GPAT2: variants seen among roughly 807,000 people sequenced by gnomAD.
GPAT2 encodes 1-acylglycerol-3-phosphate O-acyltransferase GPAT2.
GPAT2 carries 51 observed loss-of-function variants against 71.0 expected under a neutral mutation model. That is an observed-to-expected ratio of 0.72 (90% CI 0.57 to 0.91). GPAT2 has a LOEUF of 0.91. GPAT2 is among the 40% of genes least tolerant of loss of function. GPAT2 has a pLI of 0.00. For synonymous variants in GPAT2, 222 were observed against 290.3 expected, an observed-to-expected ratio of 0.76 and a Z score of 2.39; for missense variants, 511 against 666.0, an observed-to-expected ratio of 0.77 and a Z score of 2.56.
rs779152625 is a variant in GPAT2, at chr2:96,022,958, C to G, written c.2233G>C (p.Glu745Gln). The G allele has an allele frequency of 3.1e-6, 5 of 1,613,830 alleles. No individual in the cohort carries two copies. Among genetic ancestry groups the G allele is most frequent in the South Asian group, 1.1e-5 (1 of 91,072 alleles). ...QATAQEEGIF[E>Q]CADPKLAISA... is the part of the protein sequence containing the mutation. ...CCTGGGCTGACTGGTTGGGACTCAC[C>G]GAAGATCCCTTCTTCCTGGGCGGTG... The change falls in exon 20 of 22, where the codon GAG becomes CAG. Residue 745 changes from glutamate (E) to glutamine (Q), a missense_variant and splice_region_variant. Coordinates refer to ENST00000434632, the MANE Select transcript of GPAT2 (RefSeq NM_001321527.2).
intron 12 of GPAT2, 116 bp from the exon 13 acceptor site, chr2:96,025,719 G>A: frequency 6.8e-7 from 1 of 1,461,472 alleles, no homozygotes; most frequent in South Asian, 1.2e-5. Flanking sequence ...CAGGACAGAG[G>A]ATGGCTTCTA....
rs199705437 is a variant in GPAT2 at position 96,023,406 on chromosome 2, C to T, written c.1949G>A (p.Arg650Gln). Residue 650 changes from arginine (R) to glutamine (Q), a missense_variant, in exon 18 of 22, where the codon CGA becomes CAA. Physicochemically the swap from Arg to Gln is conservative, Grantham distance 43. Transcript: ENST00000434632. ...CAGCAGCTTTCTGCTCAATCGCTGTCGCCCTGTGTCACAGGCTGGCCGGGA... is the reference window on the plus strand; with the variant it reads ...CAGCAGCTTTCTGCTCAATCGCTGTTGCCCTGTGTCACAGGCTGGCCGGGA... ...PGSRPACDTGRQRLSRKLLWK... is the reference protein window; with the variant it reads ...PGSRPACDTGQQRLSRKLLWK... 62 of 1,614,008 alleles carry T rather than the reference C, an allele frequency of 3.8e-5. No individual in the cohort carries two copies. Among genetic ancestry groups the T allele is most frequent in the African/African-American group, 2.4e-4 (18 of 74,950 alleles).
intron 17 of GPAT2, 98 bp downstream of exon 17, chr2:96,023,825 G>A (rs71427071): frequency 1.6e-5 from 24 of 1,519,820 alleles, no homozygotes; most frequent in Admixed American, 1.3e-4. Context: ...CAGCACACAC[G>A]GGGCAGAGGA....
chr2:96,023,539 C>G, intron 17 of GPAT2, 99 bp from the exon 18 acceptor site: 2 of 1,303,852 alleles, frequency 1.5e-6, no homozygotes, highest in East Asian at 2.3e-5. Flanking sequence ...AAAAGCAGAC[C>G]TAGAGACCCA....
intron 17 of GPAT2, 130 bp downstream of exon 17, chr2:96,023,793 G>A (rs1185319185): frequency 4.1e-6 from 6 of 1,470,506 alleles, no homozygotes; most frequent in Non-Finnish European, 5.4e-6. Context: ...CCCGCTGCAA[G>A]GCCAGGGGCT....
intron 19 of GPAT2, 29 bp downstream of exon 19, chr2:96,023,077 C>T (rs777622924): frequency 2.7e-5 from 44 of 1,613,954 alleles, no homozygotes; most frequent in Non-Finnish European, 3.4e-5. Context: ...CAGCCTGCCT[C>T]GAGGACTGCA....
chr2:96,024,939 A>C (rs534537545), intron 13 of GPAT2, 96 bp from the exon 14 acceptor site: 2 of 1,351,274 alleles, frequency 1.5e-6, no homozygotes, highest in Non-Finnish European at 1.1e-6. Context: ...ACACATCCCA[A>C]CTCCACCCCA....
chr2:96,025,551 G>A lies in GPAT2; in HGVS notation c.1291C>T (p.Pro431Ser). The change falls in exon 13 of 22, where the codon CCT becomes TCT. Residue 431 changes from proline to serine, a missense_variant. By Grantham distance (74) the Pro-to-Ser change is moderately conservative. Coordinates refer to ENST00000434632, the MANE Select transcript of GPAT2 (RefSeq NM_001321527.2). ...TCCTCTTCCTTGAGGGCCAGGAGAGGCCCAGTTATGGGGGTCCACTCCTGC... is the reference window on the plus strand; with the variant it reads ...TCCTCTTCCTTGAGGGCCAGGAGAGACCCAGTTATGGGGGTCCACTCCTGC... ...KEQEWTPITG[P>S]LLALKEEDQL... 1 of 1,569,044 alleles carries A rather than the reference G, an allele frequency of 6.4e-7. No homozygotes were observed. Among genetic ancestry groups the A allele is most frequent in the Non-Finnish European group, 8.6e-7 (1 of 1,157,602 alleles).
chr2:96,023,515 C>G (rs543313542), intron 17 of GPAT2, 75 bp from the exon 18 acceptor site: 101 of 1,483,284 alleles, frequency 6.8e-5, no homozygotes, highest in Admixed American at 1.0e-4. Flanking sequence ...CAGGTACATG[C>G]AGGTGAAACC....
chr2:96,022,950 G>C lies in GPAT2; in HGVS notation c.2233+8C>G, dbSNP rs376411215. On this transcript the variant is annotated splice_region_variant and intron_variant, in intron 20 of 21. Transcript: ENST00000434632. ...TGCAGGAGCCTGGGCTGACTGGTTG[G>C]GACTCACCGAAGATCCCTTCTTCCT... The C allele has an allele frequency of 1.9e-6, 3 of 1,613,558 alleles. No individual in the cohort carries two copies. The highest frequency in any genetic ancestry group is 2.5e-6 in the Non-Finnish European group (3 of 1,179,856).
At chr2:96,022,368 T>C in intron 21 of GPAT2, 93 bp from the exon 22 acceptor site, 5 of 1,396,410 alleles carry the variant, frequency 3.6e-6, no homozygotes, top group Non-Finnish European at 4.8e-6. Flanking sequence ...AAACCTGCCT[T>C]GAGACCTCTG....
Position 96,024,276 on chromosome 2 carries a change from C to T in GPAT2, c.1749G>A (p.Gln583=). The T allele has an allele frequency of 6.4e-7, 1 of 1,552,832 alleles. No individual in the cohort carries two copies. The highest frequency in any genetic ancestry group is 8.7e-7 in the Non-Finnish European group (1 of 1,146,888). Residue 583 remains glutamine (Q), a synonymous_variant, in exon 16 of 22, where the codon CAG becomes CAA. Coordinates refer to ENST00000434632, the MANE Select transcript of GPAT2 (RefSeq NM_001321527.2). ...CATTCTGGCTCAGCAGCAATATGCCCTGCAGCTCCCAGGGCCCCTGGGGCG... is the reference window on the plus strand; with the variant it reads ...CATTCTGGCTCAGCAGCAATATGCCTTGCAGCTCCCAGGGCCCCTGGGGCG... ...RVPPQGPWEL[Q]GILLLSQNEL... is the part of the protein sequence containing the mutation.
In GPAT2 at chr2:96,025,992, T is replaced by C. The variant is rs776452764; in HGVS notation, c.1176A>G (p.Arg392=). The change falls in exon 12 of 22, where the codon AGA becomes AGG. Residue 392 remains arginine, a synonymous_variant. Transcript: ENST00000434632. ...FSLQEYIVSA[R]SCWGGRQTLE... is the part of the protein sequence containing the mutation. ...GGGTCTGTCTGCCGCCCCAGCAGCT[T>C]CTGGCACTGACGATGTATTCCTGCC... 1.9e-6 allele frequency: 3 copies of C among 1,612,788 alleles called. No homozygotes were observed. The highest frequency in any genetic ancestry group is 2.5e-6 in the Non-Finnish European group (3 of 1,179,784).
In GPAT2 at chr2:96,024,355, A is replaced by C. The variant is rs1680110515; in HGVS notation, c.1688-18T>G. ...TGCACAGGCTGGGGGCGGAGGGTCC[A>C]TTATGAAGAAGGAGCCGTTCCCTTC... On this transcript the variant is annotated intron_variant, in intron 15 of 21. Transcript: ENST00000434632. 1 of 1,600,726 alleles carries C rather than the reference A, an allele frequency of 6.2e-7. No individual in the cohort carries two copies. The highest frequency in any genetic ancestry group is 8.5e-7 in the Non-Finnish European group (1 of 1,170,672).
chr2:96,024,892 G>C (rs371113523), intron 13 of GPAT2, 49 bp from the exon 14 acceptor site: 4 of 1,594,172 alleles, frequency 2.5e-6, no homozygotes, highest in Non-Finnish European at 3.4e-6. Flanking sequence ...AGGCCCAGCA[G>C]CCTGGTCCCT....
rs1679729519 is a variant in GPAT2 at position 96,022,051 on chromosome 2, T to C, written c.*108A>G. ...AGGGACAATCAAGCCTCAATGATTA[T>C]ATTTATAGAGCAGCTAAGGGTTTGC... is the stretch of plus-strand genomic sequence containing the variant. On this transcript the variant is annotated 3_prime_UTR_variant, in exon 22 of 22. Transcript: ENST00000434632. The C allele has an allele frequency of 1.3e-6, 2 of 1,490,920 alleles. No homozygotes were observed. The highest frequency in any genetic ancestry group is 1.8e-6 in the Non-Finnish European group (2 of 1,119,028). The allele number at this position is 1,490,920 out of a possible 1,614,324, so 92.4% of individuals were successfully genotyped here. A position where few individuals can be genotyped will look rare whatever the true frequency, so the allele number is the denominator to read the frequency against.
rs1212062681 is a variant in GPAT2, at chr2:96,022,974, C to T, written c.2217G>A (p.Gln739=). ...QLFQFLQATA[Q]EEGIFECADP... ...GGGACTCACCGAAGATCCCTTCTTC[C>T]TGGGCGGTGGCCTGCAGGAACTGGA... Residue 739 remains glutamine (Q), a synonymous_variant, in exon 20 of 22, where the codon CAG becomes CAA. Coordinates refer to ENST00000434632, the MANE Select transcript of GPAT2 (RefSeq NM_001321527.2). 2.5e-6 allele frequency: 4 copies of T among 1,613,772 alleles called. No individual in the cohort carries two copies. The highest frequency in any genetic ancestry group is 3.4e-6 in the Non-Finnish European group (4 of 1,179,848).
Position 96,022,079 on chromosome 2 carries a change from CCTCCT to C in GPAT2, c.*75_*79del, listed in dbSNP as rs991920759. On this transcript the variant is annotated 3_prime_UTR_variant, in exon 22 of 22. Coordinates refer to ENST00000434632, the MANE Select transcript of GPAT2 (RefSeq NM_001321527.2). ...TTATAGAGCAGCTAAGGGTTTGCAGCCTCCTCTCCATCTTCTGGCTCTAGGACACA... is the reference window on the plus strand; with the variant it reads ...TTATAGAGCAGCTAAGGGTTTGCAGCCTCCATCTTCTGGCTCTAGGACACA... The C allele has an allele frequency of 1.3e-6, 2 of 1,538,760 alleles. No homozygotes were observed. The highest frequency in any genetic ancestry group is 2.8e-5 in the African/African-American group (2 of 72,008).
At position 96,022,259 on chromosome 2, in the gene GPAT2, G is replaced by T; in HGVS notation, c.2306C>A (p.Pro769Gln). 6.3e-7 allele frequency: 1 copy of T among 1,599,438 alleles called. No individual in the cohort carries two copies. Among genetic ancestry groups the T allele is most frequent in the Non-Finnish European group, 8.5e-7 (1 of 1,172,534 alleles). ...FRDLGVLQQT[P>Q]SPAGPRLHLS... ...GTGGAGCCTGGGGCCTGCAGGGCTC[G>T]GCGTCTGCTGCAGAACCTGGGCCAT... The change falls in exon 22 of 22, where the codon CCG becomes CAG. Residue 769 changes from proline (P) to glutamine (Q), a missense_variant. Transcript: ENST00000434632.
Sources: gnomAD v4.1 joint callset for allele counts on GRCh38, gnomAD v4.1.1 for gene constraint, MANE v1.5 for transcripts, NCBI Gene and HGNC (gene_info 2026-07-23, HGNC 2026-07-21) for gene names.